PCDHGB2: variants seen among roughly 807,000 people sequenced by gnomAD.
PCDHGB2 encodes the protein protocadherin gamma-B2.
Under a neutral mutation model 59.3 loss-of-function variants are expected in PCDHGB2, and 55 were observed. The observed-to-expected ratio is 0.93, with a 90% confidence interval of 0.75 to 1.16. The LOEUF (loss-of-function observed/expected upper bound fraction) is 1.16. Ranked by LOEUF, PCDHGB2 falls within the 50% of genes most tolerant of loss-of-function variation. The pLI, the probability that PCDHGB2 is intolerant of heterozygous loss-of-function variation, is 0.00. For missense variants in PCDHGB2, 1,228 were observed against 1,198.5 expected (o/e 1.02, Z -0.36); for synonymous variants, 516 against 512.0 (o/e 1.01, Z -0.11).
chr5:141,496,234 T>C (rs2154591884), intron 2 of PCDHGB2, among the ~76,000 whole-genome samples: 1 of 152,232 alleles, frequency 6.6e-6, no homozygotes, highest in Middle Eastern at 3.4e-3. Context: ...AGGAACCCCC[T>C]GCGGGCTGAA....
chr5:141,495,434 G>A (rs1038100521), intron 2 of PCDHGB2, among the ~76,000 whole-genome samples: 2 of 152,196 alleles, frequency 1.3e-5, no homozygotes, highest in Non-Finnish European at 2.9e-5. Flanking sequence ...ACTGTCCTCT[G>A]CCCCTACTTG....
chr5:141,371,759 C>T (rs1768010775), intron 1 of PCDHGB2: 1 of 1,614,044 alleles, frequency 6.2e-7, no homozygotes, highest in Non-Finnish European at 8.5e-7. Context: ...TCCACCAGGC[C>T]TCCTACACCG....
intron 1 of PCDHGB2, chr5:141,365,766 C>T (rs6882138): frequency 0.023 from 36,892 of 1,613,774 alleles, 970 homozygotes; most frequent in African/African-American, 0.14. Context: ...GCCCATGACC[C>T]CGACAGCGGC....
intron 1 of PCDHGB2, chr5:141,402,889 G>A: frequency 1.3e-6 from 2 of 1,493,808 alleles, no homozygotes; most frequent in South Asian, 1.4e-5. Context: ...CAGGGTGGAA[G>A]AAAGAACCTG....
At chr5:141,375,830 G>C in intron 1 of PCDHGB2, 1 of 1,614,152 alleles carries the variant, frequency 6.2e-7, no homozygotes, top group South Asian at 1.1e-5. Context: ...CCGCTCCGCA[G>C]AGCCCGGCTA....
At chr5:141,369,393 A>G (rs113516317) in intron 1 of PCDHGB2, among the ~76,000 whole-genome samples, 5 of 152,198 alleles carry the variant, frequency 3.3e-5, no homozygotes, top group Non-Finnish European at 7.4e-5. Context: ...CATTTGGGCC[A>G]GGGTGGTTCA....
chr5:141,477,212 C>CCTCT lies in PCDHGB2; in HGVS notation c.2422-17594_2422-17591dup. 6.2e-7 allele frequency: 1 copy of CCTCT among 1,614,166 alleles called. No homozygotes were observed. The highest frequency in any genetic ancestry group is 8.5e-7 in the Non-Finnish European group (1 of 1,180,042). The stretch of plus-strand genomic sequence containing the variant: ...GTACAGCCCAGTACCCGAGGATGCC[C>CCTCT]CTCTGGGGACTGTCATCGCTTTGCT... On this transcript the variant is annotated intron_variant, in intron 1 of 3. Coordinates refer to ENST00000522605, the MANE Select transcript of PCDHGB2 (RefSeq NM_018923.3). This position sits in a 1 kb window ranked among gnomAD's most constrained non-coding sequence, Gnocchi z 4.9.
intron 1 of PCDHGB2, chr5:141,428,289 G>A: frequency 1.4e-6 from 1 of 728,400 alleles, no homozygotes; most frequent in Non-Finnish European, 2.4e-6. Context: ...CCCAAGCAAA[G>A]CTGCAGATTT....
At chr5:141,392,005 T>A (rs1323895692) in intron 1 of PCDHGB2, 1 of 152,198 alleles carries the variant, frequency 6.6e-6, no homozygotes, top group African/African-American at 2.4e-5. Context: ...AAAACTGCAA[T>A]GGTAAAAGCA....
intron 1 of PCDHGB2, among the ~76,000 whole-genome samples, chr5:141,438,674 A>C (rs894070572): frequency 1.9e-4 from 25 of 134,850 alleles, no homozygotes; most frequent in Non-Finnish European, 3.1e-4. Context: ...ATATATTTGG[A>C]GTAGGGGATG....
chr5:141,473,193 A>G (rs938175797), intron 1 of PCDHGB2, among the ~76,000 whole-genome samples: 2 of 152,232 alleles, frequency 1.3e-5, no homozygotes, highest in African/African-American at 4.8e-5. Flanking sequence ...GAGTAAATGT[A>G]TCTTCTAAAA....
chr5:141,460,783 T>G (rs1000959104), intron 1 of PCDHGB2, among the ~76,000 whole-genome samples: 1 of 152,030 alleles, frequency 6.6e-6, no homozygotes, highest in Non-Finnish European at 1.5e-5. Flanking sequence ...TGTATACATA[T>G]ATACACACAA....
rs1158003183 is a variant in PCDHGB2, at chr5:141,397,388, G to A, written c.2421+34832G>A. Among the ~76,000 whole-genome samples the A allele has an allele frequency of 3.9e-5, 6 of 152,232 alleles. No individual in the cohort carries two copies. In the East Asian group the frequency reaches 1.2e-3, roughly 29 times the overall value. Reference sequence around the variant, plus strand: ...GATGTTTGGGGATTGGTATAAAATTGCCACAACTTTACAAAATAGTTTTAA... The same window carrying A: ...GATGTTTGGGGATTGGTATAAAATTACCACAACTTTACAAAATAGTTTTAA... On this transcript the variant is annotated intron_variant, in intron 1 of 3. Transcript: ENST00000522605.
chr5:141,459,993 G>T (rs1320315247), intron 1 of PCDHGB2, among the ~76,000 whole-genome samples: 1 of 152,164 alleles, frequency 6.6e-6, no homozygotes, highest in African/African-American at 2.4e-5. Context: ...CAGGAGAATC[G>T]CTTGAACCCA....
intron 1 of PCDHGB2, chr5:141,372,829 T>C (rs1769106539): frequency 6.5e-7 from 1 of 1,550,378 alleles, no homozygotes; most frequent in Admixed American, 2.0e-5. Flanking sequence ...TTCAAACCTT[T>C]CCTTCCATAA....
chr5:141,374,976 C>A, intron 1 of PCDHGB2: 1 of 1,614,016 alleles, frequency 6.2e-7, no homozygotes, highest in Non-Finnish European at 8.5e-7. Context: ...AATGTTTTGA[C>A]TGGAGAAATT....
At chr5:141,370,637 T>A (rs749641470) in intron 1 of PCDHGB2, 1 of 1,613,770 alleles carries the variant, frequency 6.2e-7, no homozygotes, top group South Asian at 1.1e-5. Flanking sequence ...GCCCCGAAAA[T>A]GGGAACTTAC....
At chr5:141,454,970 G>A (rs2098808431) in intron 1 of PCDHGB2, among the ~76,000 whole-genome samples, 2 of 151,444 alleles carry the variant, frequency 1.3e-5, no homozygotes, top group African/African-American at 4.9e-5. Context: ...ACCACGCCTG[G>A]CTAATTTTTT....
rs549307445 is a variant in PCDHGB2, at chr5:141,400,703, G to T, written c.2421+38147G>T. On this transcript the variant is annotated intron_variant, in intron 1 of 3. Transcript: ENST00000522605. The stretch of plus-strand genomic sequence containing the variant: ...TTGTGAGTTTTTATGTCGCATAAAA[G>T]AAGTAGCCTTATAGATTTACAAAGT... 6 of 714,832 alleles carry T rather than the reference G, an allele frequency of 8.4e-6. No homozygotes were observed. In the Admixed American group the frequency reaches 1.4e-4, roughly 17 times the overall value. The allele number at this position is 714,832 out of a possible 1,614,324, so 44.3% of individuals were successfully genotyped here. A position where few individuals can be genotyped will look rare whatever the true frequency, so the allele number is the denominator to read the frequency against.
Sources: gnomAD v4.1 joint callset for allele counts (sites outside exome capture counted in the v4.1 genomes callset) on GRCh38, gnomAD v4.1.1 for gene constraint, Gnocchi (gnomAD v3.1) non-coding constraint, MANE v1.5 for transcripts, NCBI Gene and HGNC (gene_info 2026-07-23, HGNC 2026-07-21) for gene names.